Variants in MGMT observed in about 807,000 individuals in gnomAD.
MGMT encodes the protein O-6-methylguanine-DNA methyltransferase.
Under a neutral mutation model 15.9 loss-of-function variants are expected in MGMT, and 14 were observed. The observed-to-expected ratio is 0.88, with a 90% CI of 0.58 to 1.37. The LOEUF (loss-of-function observed/expected upper bound fraction) is 1.37, where lower values mean the gene tolerates loss of function less well. MGMT is among the 40% of genes most tolerant of loss of function. The pLI is 0.00. For synonymous variants in MGMT, 130 were observed against 118.2 expected, an observed-to-expected ratio of 1.10 and a Z score of -0.65; for missense variants, 282 against 268.1, an observed-to-expected ratio of 1.05 and a Z score of -0.36.
chr10:129,641,982 T>C (rs1847332402), intron 2 of MGMT, among the ~76,000 whole-genome samples: 5 of 152,182 alleles, frequency 3.3e-5, no homozygotes, highest in Admixed American at 2.6e-4. Flanking sequence ...GCAAGACAAA[T>C]GAAAGCTTAT....
intron 2 of MGMT, among the ~76,000 whole-genome samples, chr10:129,683,443 G>T (rs78472857): frequency 0.091 from 13,921 of 152,228 alleles, 914 homozygotes; most frequent in Admixed American, 0.18. Context: ...AATTGGTTAA[G>T]AATAGCCAAA....
chr10:129,605,330 A>G (rs934671448), intron 2 of MGMT, among the ~76,000 whole-genome samples: 1 of 152,164 alleles, frequency 6.6e-6, no homozygotes, highest in Non-Finnish European at 1.5e-5. Context: ...AATTTCTTTT[A>G]ATGTCAAAAT....
chr10:129,607,423 C>T (rs1213241975), intron 2 of MGMT, among the ~76,000 whole-genome samples: 1 of 152,204 alleles, frequency 6.6e-6, no homozygotes, highest in Non-Finnish European at 1.5e-5. Flanking sequence ...GGCCAATTGA[C>T]TCTGTGACCA....
intron 2 of MGMT, among the ~76,000 whole-genome samples, chr10:129,689,832 T>G (rs1245411690): frequency 6.6e-6 from 1 of 152,220 alleles, no homozygotes; most frequent in Non-Finnish European, 1.5e-5. Flanking sequence ...TCCCAGTGCT[T>G]TCTGGGCTAG....
chr10:129,739,192 A>G (rs979612980), intron 3 of MGMT, among the ~76,000 whole-genome samples: 3 of 152,206 alleles, frequency 2.0e-5, no homozygotes, highest in Admixed American at 6.5e-5. Flanking sequence ...CCCACAGCCA[A>G]TATCATACTG....
chr10:129,671,209 C>G (rs928842910), intron 2 of MGMT, among the ~76,000 whole-genome samples: 1 of 152,160 alleles, frequency 6.6e-6, no homozygotes, highest in Non-Finnish European at 1.5e-5. Flanking sequence ...AAAACTGATT[C>G]CTTCCAATTA....
At chr10:129,483,975 A>G (rs183725778) in intron 1 of MGMT, among the ~76,000 whole-genome samples, 1 of 152,244 alleles carries the variant, frequency 6.6e-6, no homozygotes, top group Non-Finnish European at 1.5e-5. Context: ...CCTTATCCAC[A>G]TAGCCTGCAG....
chr10:129,613,393 C>T (rs934405548), intron 2 of MGMT, among the ~76,000 whole-genome samples: 1 of 152,200 alleles, frequency 6.6e-6, no homozygotes, highest in East Asian at 1.9e-4. Context: ...CTTAGGTGGG[C>T]TTCAGTGATT....
chr10:129,731,504 G>A (rs983609035), intron 3 of MGMT, among the ~76,000 whole-genome samples: 2 of 151,568 alleles, frequency 1.3e-5, no homozygotes, highest in Non-Finnish European at 2.9e-5. Flanking sequence ...TGCATATGCC[G>A]GCTGCCTCCT....
intron 3 of MGMT, among the ~76,000 whole-genome samples, chr10:129,728,658 G>A (rs1046177589): frequency 6.6e-6 from 1 of 151,842 alleles, no homozygotes; most frequent in Non-Finnish European, 1.5e-5. Flanking sequence ...AGGCCCTCCC[G>A]CCACTGCCCG....
At chr10:129,632,234 GT>G (rs1358029474) in intron 2 of MGMT, among the ~76,000 whole-genome samples, 1 of 152,208 alleles carries the variant, frequency 6.6e-6, no homozygotes, top group Non-Finnish European at 1.5e-5. Context: ...CCTGTGATTG[GT>G]TATTTAGCTT....
chr10:129,630,006 G>T lies in MGMT; in HGVS notation c.126-77889G>T, dbSNP rs1847192216. 5.3e-5 allele frequency among the ~76,000 whole-genome samples: 8 copies of T among 152,370 alleles called. No individual in the cohort carries two copies. The South Asian group carries it at 1.7e-3, about 32-fold the overall frequency. ...CCTCACACACACGGATCTGCCCGTG[G>T]AGTGATGAACTTGTAAAAGAACGTC... is the stretch of plus-strand genomic sequence containing the variant. On this transcript the variant is annotated intron_variant, in intron 2 of 4. Coordinates refer to ENST00000651593, the MANE Select transcript of MGMT (RefSeq NM_002412.5).
At chr10:129,721,314 C>A (rs750434375) in intron 3 of MGMT, among the ~76,000 whole-genome samples, 1 of 152,196 alleles carries the variant, frequency 6.6e-6, no homozygotes. Flanking sequence ...GCGGAGTTCG[C>A]GAGAAGAGGG....
At chr10:129,480,479 C>T (rs1481702352) in intron 1 of MGMT, among the ~76,000 whole-genome samples, 1 of 152,164 alleles carries the variant, frequency 6.6e-6, no homozygotes, top group African/African-American at 2.4e-5. Flanking sequence ...TAATACAGTC[C>T]TAAAAATAAT....
intron 2 of MGMT, among the ~76,000 whole-genome samples, chr10:129,706,203 C>T (rs747780199): frequency 2.6e-5 from 4 of 152,350 alleles, no homozygotes; most frequent in East Asian, 1.9e-4. Context: ...CTCCACTCTG[C>T]GTCTACGTTC....
chr10:129,490,794 A>G (rs1318643657), intron 1 of MGMT, among the ~76,000 whole-genome samples: 1 of 151,938 alleles, frequency 6.6e-6, no homozygotes, highest in African/African-American at 2.4e-5. Flanking sequence ...TGCTTTCTTT[A>G]TGATTAATAG....
intron 2 of MGMT, among the ~76,000 whole-genome samples, chr10:129,591,518 G>A (rs1205924483): frequency 6.6e-6 from 1 of 152,220 alleles, no homozygotes; most frequent in Non-Finnish European, 1.5e-5. Context: ...GTCCAAGAGT[G>A]ATGCTGGGGG....
chr10:129,697,223 GATCATAGAA>G (rs762018548), intron 2 of MGMT, among the ~76,000 whole-genome samples: 1 of 152,216 alleles, frequency 6.6e-6, no homozygotes, highest in Non-Finnish European at 1.5e-5. Context: ...AGATCATAGA[GATCATAGAA>G]GTAACCTTAG....
At chr10:129,749,095 G>A (rs558327119) in intron 3 of MGMT, among the ~76,000 whole-genome samples, 57 of 152,254 alleles carry the variant, frequency 3.7e-4, no homozygotes, top group African/African-American at 1.3e-3. Context: ...GTCACAGTCT[G>A]TGTTTCTTCC....
Sources: gnomAD v4.1 joint callset for allele counts (sites outside exome capture counted in the v4.1 genomes callset) on GRCh38, gnomAD v4.1.1 for gene constraint, MANE v1.5 for transcripts, NCBI Gene and HGNC (gene_info 2026-07-23, HGNC 2026-07-21) for gene names.